The following SPON1 variants were observed in gnomAD, a reference collection of about 807,000 sequenced individuals.
SPON1 encodes spondin-1.
Under a neutral mutation model 111.7 loss-of-function variants are expected in SPON1, and 52 were observed. That is an observed-to-expected ratio of 0.47 (90% CI 0.37 to 0.59). SPON1 has a LOEUF of 0.59. Ranked by LOEUF, SPON1 falls within the 20% of genes least tolerant of loss-of-function variation. The pLI, the probability that SPON1 is intolerant of heterozygous loss-of-function variation, is 0.00. For synonymous variants in SPON1, 410 were observed against 395.8 expected (o/e 1.04, Z -0.43); for missense variants, 957 against 1,068.5 (o/e 0.90, Z 1.46).
intron 3 of SPON1, among the ~76,000 whole-genome samples, chr11:14,065,661 T>C (rs1554920302): frequency 6.6e-6 from 1 of 152,260 alleles, no homozygotes; most frequent in Admixed American, 6.5e-5. Context: ...TTAAATGGAA[T>C]GACATTCATG....
intron 6 of SPON1, among the ~76,000 whole-genome samples, chr11:14,199,787 GC>G (rs2133895980): frequency 6.6e-6 from 1 of 152,232 alleles, no homozygotes; most frequent in East Asian, 1.9e-4. Context: ...CTATAATCTT[GC>G]CCCATCACTC....
chr11:13,994,596 A>G (rs1330670798), intron 2 of SPON1, among the ~76,000 whole-genome samples: 2 of 152,226 alleles, frequency 1.3e-5, no homozygotes, highest in Non-Finnish European at 2.9e-5. Context: ...CAAATTTAGC[A>G]AGATGAAAGC....
intron 2 of SPON1, among the ~76,000 whole-genome samples, chr11:14,026,933 C>T (rs10832164): frequency 0.47 from 71,522 of 151,968 alleles, 17,694 homozygotes; most frequent in East Asian, 0.68. Context: ...CTCATCCAGG[C>T]AGCCATTTGT....
chr11:14,169,184 G>C (rs1554932156), intron 6 of SPON1, among the ~76,000 whole-genome samples: 4 of 152,156 alleles, frequency 2.6e-5, no homozygotes, highest in Non-Finnish European at 4.4e-5. Context: ...ACTTTTTAAT[G>C]ATTGCCATTC....
At chr11:13,963,961 A>G (rs544125922) in intron 1 of SPON1, among the ~76,000 whole-genome samples, 1 of 152,244 alleles carries the variant, frequency 6.6e-6, no homozygotes, top group East Asian at 1.9e-4. Flanking sequence ...CGGAGTCTCC[A>G]CGTCCCAGGG....
intron 1 of SPON1, among the ~76,000 whole-genome samples, chr11:13,970,250 A>G (rs1258915866): frequency 2.0e-5 from 3 of 152,186 alleles, no homozygotes; most frequent in Non-Finnish European, 2.9e-5. Context: ...GCAAGGAGTT[A>G]AGTGAGACCA....
chr11:14,014,395 A>G (rs1346530849), intron 2 of SPON1, among the ~76,000 whole-genome samples: 1 of 152,222 alleles, frequency 6.6e-6, no homozygotes, highest in Admixed American at 6.5e-5. Flanking sequence ...TGATATGTAC[A>G]TGAAATGTAG....
intron 13 of SPON1, among the ~76,000 whole-genome samples, chr11:14,260,339 T>C (rs1464114321): frequency 1.3e-5 from 2 of 152,090 alleles, no homozygotes; most frequent in African/African-American, 4.8e-5. Context: ...TATGTAGTCA[T>C]ATTGCTACCC....
At chr11:14,117,280 T>C (rs1849273788) in intron 5 of SPON1, among the ~76,000 whole-genome samples, 1 of 152,242 alleles carries the variant, frequency 6.6e-6, no homozygotes, top group African/African-American at 2.4e-5. Flanking sequence ...TGGGGAAAGC[T>C]TTTAATATCC....
At chr11:14,083,096 T>C (rs1202273202) in intron 5 of SPON1, among the ~76,000 whole-genome samples, 2 of 152,188 alleles carry the variant, frequency 1.3e-5, no homozygotes, top group South Asian at 2.1e-4. Flanking sequence ...ATAAACCTAG[T>C]AAATTAAAAA....
chr11:14,245,736 G>C (rs1848982383), intron 7 of SPON1, among the ~76,000 whole-genome samples: 1 of 152,138 alleles, frequency 6.6e-6, no homozygotes. Flanking sequence ...AGCCTGCTGT[G>C]AGCTCTAAGC....
chr11:14,204,045 T>C (rs1366436945), intron 6 of SPON1, among the ~76,000 whole-genome samples: 2 of 152,196 alleles, frequency 1.3e-5, no homozygotes, highest in African/African-American at 4.8e-5. Context: ...TTCGGTGTAA[T>C]GGCAATCTTC....
At chr11:14,214,980 T>C (rs951378156) in intron 6 of SPON1, among the ~76,000 whole-genome samples, 3 of 152,222 alleles carry the variant, frequency 2.0e-5, no homozygotes, top group African/African-American at 7.2e-5. Context: ...CCAAGGTTAG[T>C]AGAGTGGCTC....
chr11:14,185,180 C>T (rs1201516104), intron 6 of SPON1, among the ~76,000 whole-genome samples: 1 of 152,234 alleles, frequency 6.6e-6, no homozygotes, highest in Non-Finnish European at 1.5e-5. Context: ...CAGTATTATA[C>T]ATTCTGCTTA....
chr11:14,141,174 TAG>T lies in SPON1; in HGVS notation c.825+5608_825+5609del, dbSNP rs375791073. Reference sequence around the variant, plus strand: ...CTAGCTCCTGCTTACTGTTCTGAGTTAGACTTTCCTCCCTATTTCTGGCATCT... The same window carrying T: ...CTAGCTCCTGCTTACTGTTCTGAGTTACTTTCCTCCCTATTTCTGGCATCT... On this transcript the variant is annotated intron_variant, in intron 6 of 15. Transcript: ENST00000576479. Among the ~76,000 whole-genome samples, 1,140 of 152,312 alleles carry T rather than the reference TAG, an allele frequency of 7.5e-3. 21 individuals carry two copies. Among genetic ancestry groups the T allele is most frequent in the African/African-American group, 0.026 (1,093 of 41,564 alleles).
chr11:14,021,533 AT>A (rs1848481564), intron 2 of SPON1, among the ~76,000 whole-genome samples: 2 of 152,170 alleles, frequency 1.3e-5, no homozygotes, highest in Non-Finnish European at 2.9e-5. Context: ...AAGCACCAGG[AT>A]CCAGTCCCTG....
intron 6 of SPON1, among the ~76,000 whole-genome samples, chr11:14,237,487 T>G (rs755858979): frequency 1.3e-5 from 2 of 152,198 alleles, no homozygotes; most frequent in Non-Finnish European, 2.9e-5. Context: ...TGGAGTCAGA[T>G]ACACATGCGT....
intron 5 of SPON1, among the ~76,000 whole-genome samples, chr11:14,095,802 A>G (rs1849096258): frequency 6.6e-6 from 1 of 152,388 alleles, no homozygotes; most frequent in African/African-American, 2.4e-5. Flanking sequence ...AAATCCTCAC[A>G]GATGCACCCA....
chr11:14,173,385 G>T (rs1476909113), intron 6 of SPON1, among the ~76,000 whole-genome samples: 2 of 152,018 alleles, frequency 1.3e-5, no homozygotes, highest in Non-Finnish European at 1.5e-5. Context: ...ATTCTAGTTA[G>T]CCATTCATCT....
Sources: allele counts gnomAD v4.1 joint callset (sites outside exome capture counted in the v4.1 genomes callset), GRCh38; gene constraint gnomAD v4.1.1; transcripts MANE v1.5; gene names NCBI Gene and HGNC (gene_info 2026-07-23, HGNC 2026-07-21).